Variants in DPY19L2 observed in about 807,000 individuals in gnomAD.
DPY19L2 encodes the protein probable C-mannosyltransferase DPY19L2.
DPY19L2 carries 34 observed loss-of-function variants against 97.9 expected under a neutral mutation model. The observed-to-expected ratio is 0.35, with a 90% CI of 0.26 to 0.46. The LOEUF (loss-of-function observed/expected upper bound fraction) is 0.46, where lower values mean the gene tolerates loss of function less well. Ranked by LOEUF, DPY19L2 falls within the 20% of genes least tolerant of loss-of-function variation. The probability of loss-of-function intolerance (pLI) is 1.00; values close to 1 mark genes in which losing one functional copy is unlikely to be tolerated. For missense variants in DPY19L2, 623 were observed against 911.4 expected, an observed-to-expected ratio of 0.68 and a Z score of 4.07; for synonymous variants, 230 against 307.9, an observed-to-expected ratio of 0.75 and a Z score of 2.65.
chr12:63,634,654 G>A (rs1891340676), intron 6 of DPY19L2, among the ~76,000 whole-genome samples: 2 of 152,166 alleles, frequency 1.3e-5, no homozygotes. Flanking sequence ...TGGCTCAGAA[G>A]GTCCCATGCC....
chr12:63,623,817 G>T, intron 8 of DPY19L2: 2 of 375,714 alleles, frequency 5.3e-6, no homozygotes, highest in Non-Finnish European at 5.1e-6. Context: ...CAATTCTCCT[G>T]CCTCAGCCTC....
upstream of DPY19L2, chr12:63,668,645 C>T (rs1896621316): frequency 2.0e-6 from 1 of 506,178 alleles, no homozygotes; most frequent in Non-Finnish European, 3.5e-6. Context: ...TCTGCGCTTC[C>T]CAGAGCGTGC....
chr12:63,595,991 A>T lies in DPY19L2; in HGVS notation c.1508T>A (p.Val503Glu). 2 of 1,597,616 alleles carry T rather than the reference A, an allele frequency of 1.3e-6. No individual in the cohort carries two copies. Among genetic ancestry groups the T allele is most frequent in the Non-Finnish European group, 1.7e-6 (2 of 1,172,082 alleles). The change falls in exon 15 of 22, where the codon GTG becomes GAG. Residue 503 changes from valine to glutamate, a missense_variant. Val to Glu is a moderately radical substitution (Grantham distance 121). Around this residue, in one of 6 missense-constraint regions of DPY19L2, gnomAD observed 294 missense variants for 446.2 expected, o/e 0.66. Transcript: ENST00000324472. ...TKTLLLPVVM[V>E]ITCFIFKKTV... ...CTTTTTAAAGATAAAACATGTAATC[A>T]CCATAACAACTGGAAGCAATAATGT...
intron 11 of DPY19L2, among the ~76,000 whole-genome samples, chr12:63,611,386 G>T (rs1886986105): frequency 6.6e-6 from 1 of 151,444 alleles, no homozygotes; most frequent in Non-Finnish European, 1.5e-5. Context: ...AAGTCACAAA[G>T]CCTGGCATCA....
chr12:63,613,366 C>T (rs1406379069), intron 11 of DPY19L2, among the ~76,000 whole-genome samples: 2 of 152,064 alleles, frequency 1.3e-5, no homozygotes, highest in Non-Finnish European at 2.9e-5. Context: ...TAATGCAGCA[C>T]ATTAACAAAA....
chr12:63,665,205 T>C (rs11834133), intron 2 of DPY19L2, among the ~76,000 whole-genome samples: 25,116 of 151,624 alleles, frequency 0.17, 2,213 homozygotes, highest in East Asian at 0.27. Flanking sequence ...AGTGTTGTGG[T>C]TCATGCCTGT....
rs1336828729 is a variant in DPY19L2, at chr12:63,632,714, C to T, written c.804-6188G>A. Reference sequence around the variant, plus strand: ...TTCTTCACAGAATTGGAAAAAACTACTTAAAAGTTCATATGGAACCAAAAA... The same window carrying T: ...TTCTTCACAGAATTGGAAAAAACTATTTAAAAGTTCATATGGAACCAAAAA... On this transcript the variant is annotated intron_variant, in intron 6 of 21. Transcript: ENST00000324472. Among the ~76,000 whole-genome samples, 15 of 152,242 alleles carry T rather than the reference C, an allele frequency of 9.9e-5. No individual in the cohort carries two copies. The South Asian group carries it at 1.0e-3, about 11-fold the overall frequency.
rs148896873 is a variant in DPY19L2, at chr12:63,560,616, T to G, written c.2173A>C (p.Asn725His). The stretch of plus-strand genomic sequence containing the variant: ...CTACATAAGGGAGGGTTAGCTGCAT[T>G]GGAAGGGTCTTCCACATCCCAGATT... The part of the protein sequence containing the change: ...LEIWDVEDPS[N>H]AANPPLCSVL... The change falls in exon 22 of 22, where the codon AAT (asparagine) becomes CAT (histidine). Residue 725 changes from asparagine to histidine, a missense_variant. By Grantham distance (68) the Asn-to-His change is moderately conservative. Around this residue, in one of 6 missense-constraint regions of DPY19L2, gnomAD observed 294 missense variants for 446.2 expected, o/e 0.66. Coordinates refer to ENST00000324472, the MANE Select transcript of DPY19L2 (RefSeq NM_173812.5). 2.9e-5 allele frequency: 46 copies of G among 1,613,924 alleles called. No homozygotes were observed. In the Middle Eastern group the frequency reaches 4.9e-4, roughly 17 times the overall value.
intron 21 of DPY19L2, among the ~76,000 whole-genome samples, chr12:63,567,882 A>G (rs559263166): frequency 6.6e-6 from 1 of 152,162 alleles, no homozygotes; most frequent in South Asian, 2.1e-4. Context: ...TTTATATAGC[A>G]CATCATTTTT....
chr12:63,667,480 C>T (rs1896465178), intron 1 of DPY19L2, among the ~76,000 whole-genome samples: 1 of 152,132 alleles, frequency 6.6e-6, no homozygotes, highest in Non-Finnish European at 1.5e-5. Context: ...CCTTTCCAAG[C>T]TGTGACAGAA....
intron 21 of DPY19L2, among the ~76,000 whole-genome samples, chr12:63,562,034 G>A (rs1876632283): frequency 6.6e-6 from 1 of 152,078 alleles, no homozygotes; most frequent in Non-Finnish European, 1.5e-5. Flanking sequence ...ATTTTGTGTT[G>A]TTTCTTATTG....
intron 13 of DPY19L2, among the ~76,000 whole-genome samples, chr12:63,599,791 C>T (rs1884841190): frequency 6.6e-6 from 1 of 152,062 alleles, no homozygotes; most frequent in Admixed American, 6.6e-5. Flanking sequence ...GAGATAAATG[C>T]TCTGCATGTA....
rs545305900 is a variant in DPY19L2 at position 63,642,888 on chromosome 12, T to C, written c.803+1515A>G. On this transcript the variant is annotated intron_variant, in intron 6 of 21. Coordinates refer to ENST00000324472, the MANE Select transcript of DPY19L2 (RefSeq NM_173812.5). ...AAGCTTTTTAATATCAAGTCTTCAA[T>C]CAATGAACGTGGAATATCTCTCCAC... 2.2e-3 allele frequency among the ~76,000 whole-genome samples: 336 copies of C among 152,232 alleles called. 1 individual carries two copies. Among genetic ancestry groups the C allele is most frequent in the African/African-American group, 7.9e-3 (328 of 41,552 alleles).
At chr12:63,588,878 C>T (rs1357268049) in intron 16 of DPY19L2, among the ~76,000 whole-genome samples, 8 of 151,622 alleles carry the variant, frequency 5.3e-5, no homozygotes, top group African/African-American at 1.2e-4. Context: ...CTCAGCCTAC[C>T]GAGTAGCTGG....
In DPY19L2 at chr12:63,650,990, C is replaced by T. The variant is rs547475073; in HGVS notation, c.589-3625G>A. On this transcript the variant is annotated intron_variant, in intron 4 of 21. Transcript: ENST00000324472. ...GACAAAGCCAGAGACATCATAGTAC[C>T]CAACTTCAAACTATATTTCAAGGCT... Among the ~76,000 whole-genome samples, 6 of 152,124 alleles carry T rather than the reference C, an allele frequency of 3.9e-5. No individual in the cohort carries two copies. In the East Asian group the frequency reaches 1.2e-3, roughly 29 times the overall value.
At chr12:63,580,108 T>C (rs1880604557) in intron 19 of DPY19L2, among the ~76,000 whole-genome samples, 1 of 152,068 alleles carries the variant, frequency 6.6e-6, no homozygotes, top group Admixed American at 6.6e-5. Context: ...TTTTGGAGTA[T>C]TTAAAAGTAG....
Position 63,600,383 on chromosome 12 carries a change from T to C in DPY19L2, c.1282A>G (p.Ile428Val). ...LGVSKLNFWL[I>V]QGSAWWCGTI... ...CCACACCACCAGGCACTACCTTGAATTAGCTAGAAAATAAAATAGAAGTCC... is the reference window on the plus strand; with the variant it reads ...CCACACCACCAGGCACTACCTTGAACTAGCTAGAAAATAAAATAGAAGTCC... Residue 428 changes from isoleucine (I) to valine (V), a missense_variant, in exon 13 of 22, where the codon ATT becomes GTT. Ile to Val is a conservative substitution (Grantham distance 29). Transcript: ENST00000324472. 3.8e-6 allele frequency: 6 copies of C among 1,582,872 alleles called. No individual in the cohort carries two copies. Among genetic ancestry groups the C allele is most frequent in the Non-Finnish European group, 5.2e-6 (6 of 1,154,596 alleles).
At chr12:63,649,448 AAG>A (rs1319181546) in intron 4 of DPY19L2, among the ~76,000 whole-genome samples, 1 of 152,104 alleles carries the variant, frequency 6.6e-6, no homozygotes, top group Non-Finnish European at 1.5e-5. Flanking sequence ...AATAAAGAAA[AAG>A]AGAGAGAAGA....
In DPY19L2 at chr12:63,624,032, G is replaced by A. The variant is rs746681218; in HGVS notation, c.953+8C>T. 17 of 1,594,842 alleles carry A rather than the reference G, an allele frequency of 1.1e-5. No individual in the cohort carries two copies. Among genetic ancestry groups the A allele is most frequent in the South Asian group, 2.2e-5 (2 of 90,298 alleles). ...TTTATTTGCCTTCGTTTTATAAATC[G>A]AAGTTACCTGAGAATCAAAGTTAAA... is the stretch of plus-strand genomic sequence containing the variant. On this transcript the variant is annotated splice_region_variant and intron_variant, in intron 8 of 21. Transcript: ENST00000324472.
Sources: allele counts gnomAD v4.1 joint callset (sites outside exome capture counted in the v4.1 genomes callset), GRCh38; gene constraint gnomAD v4.1.1; regional missense constraint gnomAD v4.1.1; transcripts MANE v1.5; gene names NCBI Gene and HGNC (gene_info 2026-07-23, HGNC 2026-07-21).